Variants in RSRP1 observed in about 807,000 individuals in gnomAD.
RSRP1 encodes the protein arginine and serine rich protein 1.
RSRP1 carries 37 observed loss-of-function variants against 33.0 expected under a neutral mutation model. That is an observed-to-expected ratio of 1.12 (90% CI 0.86 to 1.48). The LOEUF (loss-of-function observed/expected upper bound fraction) is 1.48, where lower values mean the gene tolerates loss of function less well. Among genes scored for constraint, RSRP1 ranks in the 40% most tolerant of loss-of-function variants. The pLI is 0.00. For synonymous variants in RSRP1, 167 were observed against 158.7 expected (o/e 1.05, Z -0.40); for missense variants, 402 against 385.3 (o/e 1.04, Z -0.36).
intron 1 of RSRP1, among the ~76,000 whole-genome samples, chr1:25,263,026 G>A (rs1028253903): frequency 1.0e-3 from 152 of 152,288 alleles, no homozygotes; most frequent in East Asian, 2.7e-3. Context: ...AACTTGTAGG[G>A]GAGGCTGCTA....
Position 25,279,345 on chromosome 1 carries a change from A to G in RSRP1, c.-66-32316T>C, listed in dbSNP as rs543532066. On this transcript the variant is annotated intron_variant, in intron 1 of 1. Transcript: ENST00000561867. ...GAGCAGCTGGCATTGTTTCATCTCA[A>G]TTTTACAGCTCAGGAAGCTGGGACA... Among the ~76,000 whole-genome samples the G allele has an allele frequency of 2.3e-4, 28 of 123,794 alleles. 6 individuals are homozygous for G. The highest frequency in any genetic ancestry group is 2.2e-3 in the Admixed American group (28 of 12,810). The allele number at this position is 123,794 out of a possible 152,430, so 81.2% of individuals were successfully genotyped here.
chr1:25,308,326 C>T (rs28496093), intron 1 of RSRP1, among the ~76,000 whole-genome samples: 98,959 of 106,660 alleles, frequency 0.93, 47,154 homozygotes, highest in Non-Finnish European at 1. Flanking sequence ...GTTAGAAATG[C>T]AAGCCCTACC....
rs1431595087 is a variant in RSRP1, at chr1:25,272,905, C to T, written c.-66-25876G>A. Among the ~76,000 whole-genome samples the T allele has an allele frequency of 1.5e-5, 2 of 131,994 alleles. 1 individual carries two copies. The highest frequency in any genetic ancestry group is 3.6e-5 in the Non-Finnish European group (2 of 55,648). The allele number at this position is 131,994 out of a possible 152,430, so 86.6% of individuals were successfully genotyped here. On this transcript the variant is annotated intron_variant, in intron 1 of 1. Coordinates refer to the RSRP1 transcript ENST00000561867. ...CCTGGGCATGCCCTCTTCTGTGAAG[C>T]CTGCCTTGATTTTTCAGCACAGTGA...
At chr1:25,252,679 G>A (rs1286126505) in intron 1 of RSRP1, among the ~76,000 whole-genome samples, 2 of 152,026 alleles carry the variant, frequency 1.3e-5, no homozygotes, top group East Asian at 1.9e-4. Flanking sequence ...GATTACAGGC[G>A]CCAGCAACTA....
intron 1 of RSRP1, among the ~76,000 whole-genome samples, chr1:25,313,255 CAAG>C (rs1191254913): frequency 7.6e-6 from 1 of 131,582 alleles, no homozygotes; most frequent in Non-Finnish European, 1.8e-5. Flanking sequence ...GCAGGCACAG[CAAG>C]AAGGTCCTCA....
At chr1:25,336,843 G>T (rs997572903) in intron 1 of RSRP1, among the ~76,000 whole-genome samples, 1 of 148,390 alleles carries the variant, frequency 6.7e-6, no homozygotes, top group African/African-American at 2.6e-5. Flanking sequence ...TTTAAAAACA[G>T]GCTATAGATT....
chr1:25,320,651 G>A lies in RSRP1; in HGVS notation c.-67+17327C>T, dbSNP rs1411073934. Among the ~76,000 whole-genome samples the A allele has an allele frequency of 1.5e-5, 2 of 132,124 alleles. 1 individual carries two copies. Among genetic ancestry groups the A allele is most frequent in the Non-Finnish European group, 3.6e-5 (2 of 55,772 alleles). The allele number at this position is 132,124 out of a possible 152,430, so 86.7% of individuals were successfully genotyped here. Reference sequence around the variant, plus strand: ...TATCAGGAGCATTTCCTTGCTTCCTGTGAAAGGAAGCACTCATTCCATGTG... The same window carrying A: ...TATCAGGAGCATTTCCTTGCTTCCTATGAAAGGAAGCACTCATTCCATGTG... On this transcript the variant is annotated intron_variant, in intron 1 of 1. Coordinates refer to the RSRP1 transcript ENST00000561867.
At chr1:25,304,505 C>T (rs530592769) in intron 1 of RSRP1, 2 of 128,228 alleles carry the variant, frequency 1.6e-5, no homozygotes, top group African/African-American at 2.7e-5. Context: ...GGCTGAGACA[C>T]GAGAATCACT....
chr1:25,268,394 C>A (rs1325608573), intron 1 of RSRP1, among the ~76,000 whole-genome samples: 3 of 131,052 alleles, frequency 2.3e-5, no homozygotes, highest in African/African-American at 7.8e-5. Flanking sequence ...TGGCTCATGC[C>A]TGTAGTCCCA....
At chr1:25,320,642 T>A (rs1158536315) in intron 1 of RSRP1, among the ~76,000 whole-genome samples, 1 of 132,232 alleles carries the variant, frequency 7.6e-6, no homozygotes, top group Admixed American at 7.4e-5. Flanking sequence ...GAGCATTTCC[T>A]TGCTTCCTGT....
rs554678110 is a variant in RSRP1, at chr1:25,313,796, G to A, written c.-67+24182C>T. Reference sequence around the variant, plus strand: ...CATATGTTAGAATTTGTAGCTGAGGGGTTTATAATATGAGTTTCCTATGCC... The same window carrying A: ...CATATGTTAGAATTTGTAGCTGAGGAGTTTATAATATGAGTTTCCTATGCC... On this transcript the variant is annotated intron_variant, in intron 1 of 1. Coordinates refer to the RSRP1 transcript ENST00000561867. 6.0e-5 allele frequency among the ~76,000 whole-genome samples: 8 copies of A among 132,342 alleles called. 1 individual carries two copies. In the East Asian group the frequency reaches 1.6e-3, roughly 26 times the overall value. 86.8% of individuals were successfully genotyped at this position (132,342 alleles called of 152,430 possible). A position where few individuals can be genotyped will look rare whatever the true frequency, so the allele number is the denominator to read the frequency against.
chr1:25,332,736 G>A (rs1391070295), intron 1 of RSRP1, among the ~76,000 whole-genome samples: 1 of 132,664 alleles, frequency 7.5e-6, no homozygotes, highest in African/African-American at 2.6e-5. Context: ...ACAGATATAG[G>A]ATGTAATATC....
At chr1:25,321,487 T>C (rs1395876095) in intron 1 of RSRP1, among the ~76,000 whole-genome samples, 3 of 100,822 alleles carry the variant, frequency 3.0e-5, no homozygotes, top group African/African-American at 1.0e-4. Context: ...ATGGTGAAAC[T>C]CCATCTCTAC....
intron 1 of RSRP1, chr1:25,307,653 C>G: frequency 8.0e-7 from 1 of 1,244,110 alleles, no homozygotes; most frequent in East Asian, 2.5e-5. Context: ...CAAGGTCACT[C>G]GGCTGGAACC....
At chr1:25,311,424 C>G (rs143970681) in intron 1 of RSRP1, among the ~76,000 whole-genome samples, 7,418 of 130,470 alleles carry the variant, frequency 0.057, 1,455 homozygotes, top group African/African-American at 0.18. Context: ...ACCTGGGAGG[C>G]TGAGGCAGGA....
At chr1:25,289,325 G>C (rs1642304380) in intron 1 of RSRP1, among the ~76,000 whole-genome samples, 1 of 128,484 alleles carries the variant, frequency 7.8e-6, no homozygotes, top group African/African-American at 2.6e-5. Context: ...CTCGAGAGTG[G>C]CTGGGATTAC....
chr1:25,283,144 C>T (rs1249046663), intron 1 of RSRP1, among the ~76,000 whole-genome samples: 1 of 132,130 alleles, frequency 7.6e-6, no homozygotes, highest in African/African-American at 2.6e-5. Context: ...GGAGTATGAT[C>T]ATTTCCCCTA....
At chr1:25,272,018 C>A (rs1244172181) in intron 1 of RSRP1, among the ~76,000 whole-genome samples, 12 of 131,164 alleles carry the variant, frequency 9.1e-5, no homozygotes, top group African/African-American at 3.1e-4. Flanking sequence ...CTATCTGTAT[C>A]CTCCCCAGGG....
At chr1:25,301,035 C>A in intron 1 of RSRP1, 1 of 1,377,590 alleles carries the variant, frequency 7.3e-7, no homozygotes, top group African/African-American at 1.4e-5. Flanking sequence ...AGCCTCTACC[C>A]GAGGGAACGG....
Sources: gnomAD v4.1 joint callset for allele counts (sites outside exome capture counted in the v4.1 genomes callset) on GRCh38, gnomAD v4.1.1 for gene constraint, MANE v1.5 for transcripts, NCBI Gene and HGNC (gene_info 2026-07-23, HGNC 2026-07-21) for gene names.